The following ANKRD30B variants were observed in gnomAD, a reference collection of about 807,000 sequenced individuals.
The protein encoded by ANKRD30B is ankyrin repeat domain-containing protein 30B.
Under a neutral mutation model 202.2 loss-of-function variants are expected in ANKRD30B, and 144 were observed. That is an observed-to-expected ratio of 0.71 (90% confidence interval 0.62 to 0.82). The LOEUF (loss-of-function observed/expected upper bound fraction) is 0.82. Among genes scored for constraint, ANKRD30B ranks in the 40% least tolerant of loss-of-function variants. ANKRD30B has a pLI of 0.00. For synonymous variants in ANKRD30B, 508 were observed against 561.3 expected (o/e 0.91, Z 1.34); for missense variants, 1,487 against 1,669.1 (o/e 0.89, Z 1.90).
chr18:14,810,648 CAT>C lies in ANKRD30B; in HGVS notation c.2488+472_2488+473del, dbSNP rs1447876594. On this transcript the variant is annotated intron_variant, in intron 28 of 43. Transcript: ENST00000690538. ...TGACTGAGTGTGTGTGTGTGTGTGA[CAT>C]ATAATTTTTAAAAATCACTACTTGA... Among the ~76,000 whole-genome samples the C allele has an allele frequency of 8.6e-5, 13 of 150,924 alleles. No homozygotes were observed. The South Asian group carries it at 1.9e-3, about 22-fold the overall frequency.
At chr18:14,908,651 T>C in the ANKRD30B span, among the ~76,000 whole-genome samples, 1 of 152,160 alleles carries the variant, frequency 6.6e-6, no homozygotes, top group African/African-American at 2.4e-5. Flanking sequence ...CTGTGTCCTT[T>C]TAGTGTCTGT....
the ANKRD30B span, chr18:14,890,145 T>A: frequency 1.3e-6 from 1 of 751,580 alleles, no homozygotes; most frequent in Non-Finnish European, 2.3e-6. Context: ...TTGCCAATGA[T>A]CCATGAATGG....
At chr18:14,755,923 A>G (rs1914279104) in intron 4 of ANKRD30B, among the ~76,000 whole-genome samples, 1 of 152,168 alleles carries the variant, frequency 6.6e-6, no homozygotes, top group African/African-American at 2.4e-5. Flanking sequence ...ATACCCAGTA[A>G]TGGGATGGCT....
intron 24 of ANKRD30B, 74 bp from the exon 25 acceptor site, chr18:14,808,477 T>A (rs780726260): frequency 3.0e-6 from 4 of 1,321,082 alleles, no homozygotes; most frequent in Admixed American, 3.4e-5. Flanking sequence ...ATCTTCATAT[T>A]CACATTGTAC....
the ANKRD30B span, among the ~76,000 whole-genome samples, chr18:14,887,804 T>C: frequency 2.6e-5 from 4 of 151,938 alleles, no homozygotes; most frequent in Non-Finnish European, 4.4e-5. Context: ...AGTTTAATGC[T>C]GTAACCGTAG....
At chr18:14,789,480 A>G (rs925037540) in intron 15 of ANKRD30B, among the ~76,000 whole-genome samples, 1 of 152,094 alleles carries the variant, frequency 6.6e-6, no homozygotes, top group Non-Finnish European at 1.5e-5. Flanking sequence ...CTATGTCCTG[A>G]ATGGTAATGC....
In ANKRD30B at chr18:14,822,527, T is replaced by C. The variant is rs776821564; in HGVS notation, c.2670+16T>C. ...TCTTCTGAAGGTAATAACTTTTATA[T>C]TTTTATCTTGAATATTAACTACTTA... On this transcript the variant is annotated intron_variant, in intron 31 of 43. Transcript: ENST00000690538. The C allele has an allele frequency of 9.2e-6, 12 of 1,299,306 alleles. No individual in the cohort carries two copies. The African/African-American group carries it at 1.7e-4, about 19-fold the overall frequency. 80.5% of individuals were successfully genotyped at this position (1,299,306 alleles called of 1,614,324 possible). A position where few individuals can be genotyped will look rare whatever the true frequency, so the allele number is the denominator to read the frequency against.
chr18:14,810,719 G>C (rs986588334), intron 28 of ANKRD30B, among the ~76,000 whole-genome samples: 4 of 151,070 alleles, frequency 2.6e-5, no homozygotes, highest in African/African-American at 4.9e-5. Context: ...TGACTCTAAA[G>C]CTTTTGGCCT....
intron 7 of ANKRD30B, 33 bp from the exon 8 acceptor site, chr18:14,769,310 A>T: frequency 7.0e-7 from 1 of 1,428,408 alleles, no homozygotes; most frequent in Non-Finnish European, 9.6e-7. Flanking sequence ...TATATTTGTT[A>T]ATTTAATGTA....
intron 16 of ANKRD30B, among the ~76,000 whole-genome samples, chr18:14,795,513 T>A (rs1968815565): frequency 6.6e-6 from 1 of 152,192 alleles, no homozygotes; most frequent in Admixed American, 6.5e-5. Context: ...AGTTTGTGGA[T>A]GGGTGTGCTT....
intron 33 of ANKRD30B, among the ~76,000 whole-genome samples, 182 bp from the exon 34 acceptor site, chr18:14,831,201 C>A (rs868754077): frequency 0.023 from 1,546 of 68,682 alleles, 7 homozygotes; most frequent in Non-Finnish European, 0.027. Flanking sequence ...AAAAAAAAAA[C>A]GAAAACCAGA....
At chr18:14,880,234 G>A in the ANKRD30B span, among the ~76,000 whole-genome samples, 1 of 152,072 alleles carries the variant, frequency 6.6e-6, no homozygotes, top group South Asian at 2.1e-4. Flanking sequence ...TGTTCCATTG[G>A]TCTATGTGCC....
At chr18:14,780,375 G>A (rs1412371107) in intron 11 of ANKRD30B, among the ~76,000 whole-genome samples, 2 of 151,946 alleles carry the variant, frequency 1.3e-5, no homozygotes, top group African/African-American at 2.4e-5. Context: ...AACCTGGGAG[G>A]AGGAGGTTGC....
chr18:14,808,197 T>G (rs1969645460), intron 24 of ANKRD30B, among the ~76,000 whole-genome samples: 1 of 150,656 alleles, frequency 6.6e-6, no homozygotes, highest in African/African-American at 2.5e-5. Context: ...ATTTTTTTTT[T>G]GGCGGGGGGT....
rs370471349 is a variant in ANKRD30B, at chr18:14,752,977, C to A, written c.475C>A (p.Leu159Met). 8 of 1,603,336 alleles carry A rather than the reference C, an allele frequency of 5.0e-6. 1 individual carries two copies. In the African/African-American group the frequency reaches 8.1e-5, roughly 16 times the overall value. Residue 159 changes from leucine (L) to methionine (M), a missense_variant, in exon 3 of 44, where the codon CTG becomes ATG. Leu to Met is a conservative substitution (Grantham distance 15). Coordinates refer to ENST00000690538, the MANE Select transcript of ANKRD30B (RefSeq NM_001367607.2). ...SENLLMVATL[L>M]SYGAVIEVQN... Reference sequence around the variant, plus strand: ...GAATTTGTTAATGGTGGCAACACTGCTGTCCTATGGTGCAGTCATCGAGGT... The same window carrying A: ...GAATTTGTTAATGGTGGCAACACTGATGTCCTATGGTGCAGTCATCGAGGT...
At chr18:14,892,704 C>T in the ANKRD30B span, among the ~76,000 whole-genome samples, 2 of 137,548 alleles carry the variant, frequency 1.5e-5, no homozygotes, top group African/African-American at 2.6e-5. Flanking sequence ...GGTGCCACTG[C>T]CCTCTAGCCT....
the ANKRD30B span, chr18:14,909,807 G>A: frequency 6.6e-6 from 1 of 152,138 alleles, no homozygotes; most frequent in East Asian, 1.9e-4. Flanking sequence ...TGGTGGCTGG[G>A]TAGGATTTGT....
chr18:14,831,451 C>T lies in ANKRD30B; in HGVS notation c.2843C>T (p.Thr948Ile). The change falls in exon 34 of 44, where the codon ACC becomes ATC. Residue 948 changes from threonine (T) to isoleucine (I), a missense_variant. By Grantham distance (89) the Thr-to-Ile change is moderately conservative. Around this residue, in one of 6 missense-constraint regions of ANKRD30B, gnomAD observed 218 missense variants for 320.1 expected, o/e 0.68. Transcript: ENST00000690538. ...TKVEEDFNLT[T>I]KEGATKTVTG... The stretch of plus-strand genomic sequence containing the variant: ...GTTGAGGAAGACTTTAATCTTACTA[C>T]CAAGGTAAAATAGTCTCTTGTTAAA... The T allele has an allele frequency of 6.6e-7, 1 of 1,515,222 alleles. No individual in the cohort carries two copies. The highest frequency in any genetic ancestry group is 8.9e-7 in the Non-Finnish European group (1 of 1,122,094). 93.9% of individuals were successfully genotyped at this position (1,515,222 alleles called of 1,614,324 possible).
intron 14 of ANKRD30B, 110 bp from the exon 15 acceptor site, chr18:14,786,929 C>A: frequency 9.2e-7 from 1 of 1,090,140 alleles, no homozygotes; most frequent in Non-Finnish European, 1.3e-6. Flanking sequence ...AATATACAGG[C>A]TACAGAGGAA....
Sources: allele counts gnomAD v4.1 joint callset (sites outside exome capture counted in the v4.1 genomes callset), GRCh38; gene constraint gnomAD v4.1.1; regional missense constraint gnomAD v4.1.1; transcripts MANE v1.5; gene names NCBI Gene and HGNC (gene_info 2026-07-23, HGNC 2026-07-21).